The following CACNA1A variants were observed in gnomAD, a reference collection of about 807,000 sequenced individuals.
The protein encoded by CACNA1A is calcium voltage-gated channel subunit alpha1 A, also known as voltage-dependent P/Q-type calcium channel subunit alpha-1A.
A neutral mutation model predicts 262.4 loss-of-function variants in CACNA1A; 57 were observed. The observed-to-expected ratio is 0.22, with a 90% CI of 0.18 to 0.27. CACNA1A has a LOEUF of 0.27. Among genes scored for constraint, CACNA1A ranks in the 10% least tolerant of loss-of-function variants. CACNA1A has a pLI of 1.00. For synonymous variants in CACNA1A, 1,431 were observed against 1,419.3 expected, an observed-to-expected ratio of 1.01 and a Z score of -0.18; for missense variants, 2,526 against 3,562.8, an observed-to-expected ratio of 0.71 and a Z score of 7.41.
chr19:13,275,602 C>G (rs952568257), intron 24 of CACNA1A: 10 of 535,344 alleles, frequency 1.9e-5, no homozygotes, highest in Non-Finnish European at 3.1e-5. Flanking sequence ...AGTGATGTGG[C>G]TGAGGCCCGT....
intron 26 of CACNA1A, 82 bp downstream of exon 26, chr19:13,261,368 C>T: frequency 8.1e-7 from 1 of 1,229,820 alleles, no homozygotes. Context: ...GTCTCTGAGC[C>T]CAAGTGGCCA....
intron 24 of CACNA1A, chr19:13,273,892 C>T (rs2057083557): frequency 6.7e-6 from 1 of 149,512 alleles, no homozygotes. Context: ...CTAGTGCAGG[C>T]ATACTACCAT....
intron 10 of CACNA1A, among the ~76,000 whole-genome samples, chr19:13,320,246 G>C (rs2058223456): frequency 6.8e-6 from 1 of 147,470 alleles, no homozygotes; most frequent in Non-Finnish European, 1.5e-5. Flanking sequence ...TCGAGAGAGA[G>C]AGAGAGAGAG....
intron 24 of CACNA1A, chr19:13,263,248 ACCTCCGCCTCCTGGGCTAAAG>A: frequency 5.7e-6 from 1 of 174,040 alleles, no homozygotes; most frequent in Non-Finnish European, 1.2e-5. Flanking sequence ...GCTCACTGCA[ACCTCCGCCTCCTGGGCTAAAG>A]CCATCCTCCC....
At chr19:13,230,276 A>G (rs2055617481) in intron 35 of CACNA1A, 67 bp from the exon 36 acceptor site, 33 of 1,569,556 alleles carry the variant, frequency 2.1e-5, no homozygotes, top group Non-Finnish European at 2.7e-5. Context: ...AGTGAGTGAG[A>G]AGGATACAGA....
At chr19:13,476,946 C>T (rs571557715) in intron 1 of CACNA1A, among the ~76,000 whole-genome samples, 5 of 152,088 alleles carry the variant, frequency 3.3e-5, no homozygotes, top group East Asian at 1.9e-4. Context: ...AGTCAGGTCA[C>T]GTCCCTCCTC....
intron 3 of CACNA1A, among the ~76,000 whole-genome samples, chr19:13,433,983 C>A (rs971918959): frequency 6.6e-6 from 1 of 152,184 alleles, no homozygotes; most frequent in Non-Finnish European, 1.5e-5. Context: ...CTCATTTAAA[C>A]CCCAATTCCA....
Position 13,227,476 on chromosome 19 carries a change from C to T in CACNA1A, c.5580G>A (p.Pro1860=), listed in dbSNP as rs144137960. The change falls in exon 37 of 47, where the codon CCG becomes CCA. Residue 1860 remains proline (P), a synonymous_variant. Transcript: ENST00000360228. ...DMYQMLRHMS[P]PLGLGKKCPA... The stretch of plus-strand genomic sequence containing the variant: ...GACACTTCTTCCCCAGACCCAGGGG[C>T]GGAGACATGTGTCTCAGCATCTGAT... The T allele has an allele frequency of 4.5e-5, 72 of 1,608,986 alleles. No individual in the cohort carries two copies. Among genetic ancestry groups the T allele is most frequent in the Middle Eastern group, 3.3e-4 (2 of 6,022 alleles).
At chr19:13,270,255 G>C (rs1271906759) in intron 24 of CACNA1A, among the ~76,000 whole-genome samples, 1 of 152,190 alleles carries the variant, frequency 6.6e-6, no homozygotes, top group Non-Finnish European at 1.5e-5. Context: ...CATCTAGAGA[G>C]AAATCAAACA....
intron 1 of CACNA1A, among the ~76,000 whole-genome samples, chr19:13,497,165 C>G (rs1981630419): frequency 1.3e-5 from 2 of 151,900 alleles, no homozygotes; most frequent in South Asian, 4.2e-4. Flanking sequence ...ACCGGTTGAC[C>G]CAGCCTCTTA....
chr19:13,261,401 T>C, intron 26 of CACNA1A, 49 bp downstream of exon 26: 2 of 1,503,482 alleles, frequency 1.3e-6, no homozygotes, highest in Non-Finnish European at 1.8e-6. Context: ...ACTTCCCCCC[T>C]GCCCACCTGC....
At chr19:13,225,548 G>A (rs1418501614) in intron 37 of CACNA1A, 1 of 152,194 alleles carries the variant, frequency 6.6e-6, no homozygotes, top group African/African-American at 2.4e-5. Flanking sequence ...CACCATGCTT[G>A]GTGGCATGGG....
At chr19:13,418,608 C>T (rs1323496738) in intron 3 of CACNA1A, among the ~76,000 whole-genome samples, 1 of 152,114 alleles carries the variant, frequency 6.6e-6, no homozygotes, top group African/African-American at 2.4e-5. Flanking sequence ...AACGCCCTGT[C>T]ACCACTGAGG....
intron 44 of CACNA1A, 89 bp downstream of exon 44, chr19:13,210,528 G>C: frequency 8.4e-7 from 1 of 1,194,992 alleles, no homozygotes; most frequent in Non-Finnish European, 1.2e-6. Flanking sequence ...GTCCGGGGAC[G>C]GTGAGAGATG....
intron 43 of CACNA1A, 140 bp downstream of exon 43, chr19:13,211,963 C>T (rs1423633195): frequency 3.2e-6 from 2 of 620,364 alleles, no homozygotes; most frequent in Non-Finnish European, 5.7e-6. Flanking sequence ...GGCCTGCAGA[C>T]TGCTTCAGAG....
chr19:13,482,055 A>G (rs1979388506), intron 1 of CACNA1A, among the ~76,000 whole-genome samples: 1 of 152,130 alleles, frequency 6.6e-6, no homozygotes, highest in Non-Finnish European at 1.5e-5. Context: ...ACACGGAAAG[A>G]TTTTCACTTA....
chr19:13,318,555 G>A (rs1179543731), intron 10 of CACNA1A, among the ~76,000 whole-genome samples: 1 of 152,194 alleles, frequency 6.6e-6, no homozygotes, highest in African/African-American at 2.4e-5. Context: ...AGTAGACAGT[G>A]AGAGGTGAGG....
intron 9 of CACNA1A, among the ~76,000 whole-genome samples, chr19:13,330,703 C>G (rs11883227): frequency 0.21 from 31,853 of 151,904 alleles, 3,674 homozygotes; most frequent in African/African-American, 0.31. Context: ...CGATTCTCCT[C>G]CCTCAGCCTC....
chr19:13,261,807 T>C (rs2056740423), intron 25 of CACNA1A, 197 bp from the exon 26 acceptor site: 1 of 565,264 alleles, frequency 1.8e-6, no homozygotes, highest in Non-Finnish European at 3.1e-6. Flanking sequence ...CCTGGCATTC[T>C]ATGGATCTAA....
Sources: allele counts gnomAD v4.1 joint callset (sites outside exome capture counted in the v4.1 genomes callset), GRCh38; gene constraint gnomAD v4.1.1; transcripts MANE v1.5; gene names NCBI Gene and HGNC (gene_info 2026-07-23, HGNC 2026-07-21).